Variants in CREB3L4 observed in about 807,000 individuals in gnomAD.
CREB3L4 encodes cyclic AMP-responsive element-binding protein 3-like protein 4.
A neutral mutation model predicts 37.0 loss-of-function variants in CREB3L4; 28 were observed. That is an observed-to-expected ratio of 0.76 (90% CI 0.56 to 1.04). The LOEUF is 1.04. CREB3L4 is among the 50% of genes least tolerant of loss of function. CREB3L4 has a pLI of 0.00. For missense variants in CREB3L4, 462 were observed against 486.0 expected, an observed-to-expected ratio of 0.95 and a Z score of 0.46; for synonymous variants, 175 against 192.2, an observed-to-expected ratio of 0.91 and a Z score of 0.74.
rs372093207 is a variant in CREB3L4 at position 153,968,319 on chromosome 1, T to TG, written c.-5+163dup. ...TGGGCTCTTCAGAACAGGTAATGCT[T>TG]GGGGGGGGCCTCTTTGTCTAAACCT... On this transcript the variant is annotated intron_variant, in intron 1 of 9. Transcript: ENST00000368607. The TG allele has an allele frequency of 2.1e-3, 1,056 of 504,174 alleles. 1 individual carries two copies. The highest frequency in any genetic ancestry group is 7.1e-3 in the Middle Eastern group (13 of 1,840). The allele number at this position is 504,174 out of a possible 1,614,324, so 31.2% of individuals were successfully genotyped here. A position where few individuals can be genotyped will look rare whatever the true frequency, so the allele number is the denominator to read the frequency against.
In CREB3L4 at chr1:153,971,604, T is replaced by G. The variant is rs868529281; in HGVS notation, c.544-1140T>G. Reference sequence around the variant, plus strand: ...TTCTTTTTCTTTTTTTTTTTTTTTTTTTGTTGTTTGTTTTAAATGAAACCC... The same window carrying G: ...TTCTTTTTCTTTTTTTTTTTTTTTTGTTGTTGTTTGTTTTAAATGAAACCC... On this transcript the variant is annotated intron_variant, in intron 4 of 9. Coordinates refer to ENST00000368607, the MANE Select transcript of CREB3L4 (RefSeq NM_001255978.2). 1.5e-3 allele frequency among the ~76,000 whole-genome samples: 231 copies of G among 149,162 alleles called. 3 individuals carry two copies. The highest frequency in any genetic ancestry group is 3.9e-3 in the African/African-American group (159 of 40,470).
intron 4 of CREB3L4, 151 bp downstream of exon 4, chr1:153,969,606 A>G (rs1648147308): frequency 1.2e-6 from 1 of 820,704 alleles, no homozygotes; most frequent in East Asian, 2.6e-5. Context: ...AGACATGAAC[A>G]GTTGAACTAT....
intron 3 of CREB3L4, 75 bp downstream of exon 3, chr1:153,969,251 C>T: frequency 6.2e-7 from 1 of 1,613,866 alleles, no homozygotes; most frequent in Admixed American, 1.7e-5. Flanking sequence ...GGGGTTTACC[C>T]AACCTGTGCC....
At chr1:153,967,808 C>T (rs1647905913), upstream of CREB3L4, 1 of 152,140 alleles carries the variant, frequency 6.6e-6, no homozygotes, top group Admixed American at 6.5e-5. Context: ...AAACCTAAGT[C>T]TTCAGCTTCC....
chr1:153,971,578 T>C (rs1234744042), intron 4 of CREB3L4, among the ~76,000 whole-genome samples: 1 of 133,260 alleles, frequency 7.5e-6, no homozygotes, highest in Non-Finnish European at 1.7e-5. Flanking sequence ...CTGTTTTCTT[T>C]TTCTTTTTCT....
At position 153,968,529 on chromosome 1, in the gene CREB3L4, G is replaced by C. The variant is rs146061609; in HGVS notation, c.4G>C (p.Asp2His). Reference sequence around the variant, plus strand: ...CCACACGCCTTCCTGCAGAAGCATGGATCTCGGAATCCCTGACCTGCTGGA... The same window carrying C: ...CCACACGCCTTCCTGCAGAAGCATGCATCTCGGAATCCCTGACCTGCTGGA... MDLGIPDLLDAW... is the reference protein window; with the variant it reads MHLGIPDLLDAW... The change falls in exon 2 of 10, where the codon GAT becomes CAT. Residue 2 changes from aspartate (D) to histidine (H), a missense_variant. By Grantham distance (81) the Asp-to-His change is moderately conservative. Coordinates refer to ENST00000368607, the MANE Select transcript of CREB3L4 (RefSeq NM_001255978.2). 2.5e-6 allele frequency: 4 copies of C among 1,612,756 alleles called. No individual in the cohort carries two copies. The South Asian group carries it at 3.3e-5, about 13-fold the overall frequency.
At position 153,973,277 on chromosome 1, in the gene CREB3L4, T is replaced by A; in HGVS notation, c.812+14T>A. On this transcript the variant is annotated intron_variant, in intron 7 of 9. Transcript: ENST00000368607. ...GAGGCACAACATGTGAGTGAAAGCA[T>A]TGTGTGTGTATGTGTGTTTTGAAGG... The A allele has an allele frequency of 3.1e-6, 5 of 1,613,892 alleles. No individual in the cohort carries two copies. The highest frequency in any genetic ancestry group is 4.2e-6 in the Non-Finnish European group (5 of 1,179,812).
chr1:153,973,341 T>C, intron 7 of CREB3L4, 39 bp from the exon 8 acceptor site: 1 of 1,611,650 alleles, frequency 6.2e-7, no homozygotes. Context: ...TGGCCCCTGG[T>C]ACCCAGATGA....
chr1:153,973,496 C>G (rs544520413), intron 8 of CREB3L4, 32 bp downstream of exon 8: 1 of 1,597,358 alleles, frequency 6.3e-7, no homozygotes, highest in Admixed American at 1.7e-5. Flanking sequence ...CCATCTCCCC[C>G]CACACTTCTA....
chr1:153,971,587 C>CTTTTTTTTTTTTTTTTTTTT (rs55930906), intron 4 of CREB3L4, among the ~76,000 whole-genome samples: 16 of 107,496 alleles, frequency 1.5e-4, no homozygotes, highest in East Asian at 5.7e-4. Flanking sequence ...TTTTCTTTTT[C>CTTTTTTTTTTTTTTTTTTTT]TTTTTTTTTT....
intron 4 of CREB3L4, among the ~76,000 whole-genome samples, chr1:153,971,070 C>T (rs1458125905): frequency 5.5e-5 from 6 of 109,890 alleles, no homozygotes; most frequent in Non-Finnish European, 5.6e-5. Context: ...AGCTGAGGAA[C>T]CTTTAAAAGT....
intron 2 of CREB3L4, 26 bp downstream of exon 2, chr1:153,968,725 G>A: frequency 6.2e-7 from 1 of 1,613,220 alleles, no homozygotes; most frequent in Non-Finnish European, 8.5e-7. Flanking sequence ...GGGAGTGGGG[G>A]TGGGGTTGAG....
rs1366430986 is a variant in CREB3L4, at chr1:153,968,710, C to T, written c.174+11C>T. ...GGGGACCGTGGCTGTGTGAGTGTGA[C>T]GAGTGGGAGTGGGGGTGGGGTTGAG... On this transcript the variant is annotated intron_variant, in intron 2 of 9. Coordinates refer to ENST00000368607, the MANE Select transcript of CREB3L4 (RefSeq NM_001255978.2). 3 of 1,612,884 alleles carry T rather than the reference C, an allele frequency of 1.9e-6. No homozygotes were observed. Among genetic ancestry groups the T allele is most frequent in the Admixed American group, 1.7e-5 (1 of 59,936 alleles).
Position 153,973,725 on chromosome 1 carries a change from C to G in CREB3L4, c.994+9C>G, listed in dbSNP as rs1452219316. The G allele has an allele frequency of 2.5e-6, 4 of 1,592,416 alleles. No homozygotes were observed. Among genetic ancestry groups the G allele is most frequent in the Non-Finnish European group, 3.4e-6 (4 of 1,167,254 alleles). On this transcript the variant is annotated intron_variant, in intron 9 of 9. Coordinates refer to ENST00000368607, the MANE Select transcript of CREB3L4 (RefSeq NM_001255978.2). ...TTACCAGCCTCACGGAGGTGAGAGG[C>G]AAGGGCAGGGAGCAACCCCTGGCTG...
chr1:153,974,068 T>C lies in CREB3L4; in HGVS notation c.*3T>C. ...TGCTGCATGCAGATGAGATGTGAGC[T>C]GGAACAGACCTTCCTGGCCCACTTC... On this transcript the variant is annotated 3_prime_UTR_variant, in exon 10 of 10. Transcript: ENST00000368607. The C allele has an allele frequency of 6.2e-7, 1 of 1,611,488 alleles. No individual in the cohort carries two copies. Among genetic ancestry groups the C allele is most frequent in the Non-Finnish European group, 8.5e-7 (1 of 1,178,588 alleles).
At chr1:153,968,742 C>A in intron 2 of CREB3L4, 43 bp downstream of exon 2, 1 of 1,609,724 alleles carries the variant, frequency 6.2e-7, no homozygotes, top group Non-Finnish European at 8.5e-7. Context: ...TGAGACACAA[C>A]TCTGTGATAA....
At chr1:153,970,599 G>C (rs1400922006) in intron 4 of CREB3L4, among the ~76,000 whole-genome samples, 1 of 152,108 alleles carries the variant, frequency 6.6e-6, no homozygotes, top group East Asian at 1.9e-4. Context: ...TGGGTAAAGA[G>C]GGGACTATGC....
chr1:153,973,821 C>A, intron 9 of CREB3L4, 51 bp from the exon 10 acceptor site: 1 of 1,586,654 alleles, frequency 6.3e-7, no homozygotes, highest in Non-Finnish European at 8.6e-7. Context: ...TGTCTAGGGT[C>A]TCCCACCCAG....
intron 1 of CREB3L4, 172 bp from the exon 2 acceptor site, chr1:153,968,350 A>C: frequency 1.8e-6 from 1 of 569,246 alleles, no homozygotes; most frequent in Non-Finnish European, 3.0e-6. Flanking sequence ...AACCTGAGGG[A>C]TAGGGCTGAA....
Sources: allele counts gnomAD v4.1 joint callset (sites outside exome capture counted in the v4.1 genomes callset), GRCh38; gene constraint gnomAD v4.1.1; transcripts MANE v1.5; gene names NCBI Gene and HGNC (gene_info 2026-07-23, HGNC 2026-07-21).